The following USP8 variants were observed in gnomAD, a reference collection of about 807,000 sequenced individuals.
USP8 encodes ubiquitin carboxyl-terminal hydrolase 8.
In USP8, 27 loss-of-function variants were observed where a neutral mutation model predicts 130.0. The ratio of observed to expected loss-of-function variants is 0.21; its 90% CI spans 0.15 to 0.29. The LOEUF is 0.29. Ranked by LOEUF, USP8 falls within the 10% of genes least tolerant of loss-of-function variation. The pLI is 1.00. For synonymous variants in USP8, 392 were observed against 444.1 expected (o/e 0.88, Z 1.48); for missense variants, 1,029 against 1,312.2 (o/e 0.78, Z 3.33).
intron 5 of USP8, among the ~76,000 whole-genome samples, chr15:50,460,105 C>T (rs1289974655): frequency 1.4e-5 from 2 of 147,890 alleles, no homozygotes; most frequent in South Asian, 2.1e-4. Flanking sequence ...TCAAGCGATT[C>T]TCCTGCCTCA....
chr15:50,492,885 C>A lies in USP8; in HGVS notation c.2419C>A (p.Arg807=), dbSNP rs1277685511. Reference sequence around the variant, plus strand: ...TCCACATTTGGCTGATTATTTCAACCGAAACTGTTATCAGGATGATATTAA... The same window carrying A: ...TCCACATTTGGCTGATTATTTCAACAGAAACTGTTATCAGGATGATATTAA... ...NAPHLADYFN[R]NCYQDDINRS... The change falls in exon 15 of 20, where the codon CGA becomes AGA. Residue 807 remains arginine (R), a synonymous_variant. Transcript: ENST00000307179. The A allele has an allele frequency of 6.2e-7, 1 of 1,613,896 alleles. No homozygotes were observed. The highest frequency in any genetic ancestry group is 8.5e-7 in the Non-Finnish European group (1 of 1,179,960).
At position 50,481,893 on chromosome 15, in the gene USP8, G is replaced by C. The variant is rs1236079149; in HGVS notation, c.1631G>C (p.Arg544Thr). The C allele has an allele frequency of 3.2e-6, 5 of 1,584,614 alleles. No homozygotes were observed. In the East Asian group the frequency reaches 1.1e-4, roughly 36 times the overall value. Residue 544 changes from arginine to threonine, a missense_variant, in exon 11 of 20, where the codon AGG becomes ACG. Arg to Thr is a moderately conservative substitution (Grantham distance 71). Coordinates refer to ENST00000307179, the MANE Select transcript of USP8 (RefSeq NM_005154.5). The part of the protein sequence containing the change: ...KKEDKETSAK[R>T]GKEITGVKRQ... ...GAAGATAAAGAAACCTCAGCAAAGA[G>C]GGGCAAAGAAATAACAGGAGTAAAA...
Position 50,471,718 on chromosome 15 carries a change from C to T in USP8, c.772C>T (p.Leu258Phe). ...GAGGGGGAATGTGGAGTATGTGGTA[C>T]TTCTTGACTGGTTTAGTTCTGCCAA... The part of the protein sequence containing the change: ...KKRGNVEYVV[L>F]LDWFSSAKDL... Residue 258 changes from leucine (L) to phenylalanine (F), a missense_variant, in exon 8 of 20, where the codon CTT (leucine) becomes TTT (phenylalanine). Transcript: ENST00000307179. 1 of 1,614,100 alleles carries T rather than the reference C, an allele frequency of 6.2e-7. No homozygotes were observed. The highest frequency in any genetic ancestry group is 1.3e-5 in the African/African-American group (1 of 75,040).
intron 18 of USP8, 100 bp from the exon 19 acceptor site, chr15:50,498,496 A>G (rs531851730): frequency 7.2e-7 from 1 of 1,392,694 alleles, no homozygotes; most frequent in Non-Finnish European, 9.5e-7. Context: ...TGTATTTGAA[A>G]TGGATTTTAC....
chr15:50,485,408 C>T (rs974285083), intron 12 of USP8, among the ~76,000 whole-genome samples: 5 of 150,790 alleles, frequency 3.3e-5, no homozygotes, highest in African/African-American at 1.2e-4. Context: ...CGAGATCGGG[C>T]CACTGCACTC....
At chr15:50,491,582 A>C (rs919979866) in intron 14 of USP8, among the ~76,000 whole-genome samples, 1 of 152,192 alleles carries the variant, frequency 6.6e-6, no homozygotes, top group Non-Finnish European at 1.5e-5. Context: ...GGTAAAGAGG[A>C]GCTGATTGAA....
Position 50,500,787 on chromosome 15 carries a change from A to G in USP8, c.*1699A>G. 6.3e-7 allele frequency: 1 copy of G among 1,590,022 alleles called. No individual in the cohort carries two copies. The highest frequency in any genetic ancestry group is 8.6e-7 in the Non-Finnish European group (1 of 1,167,728). On this transcript the variant is annotated 3_prime_UTR_variant, in exon 20 of 20. Coordinates refer to ENST00000307179, the MANE Select transcript of USP8 (RefSeq NM_005154.5). The stretch of plus-strand genomic sequence containing the variant: ...AGCTATATCAGGCCTGGGTGACTGA[A>G]TTCTTGCAGAAAGCAGTGTAGTGGC...
intron 4 of USP8, among the ~76,000 whole-genome samples, chr15:50,457,095 G>A (rs1214216445): frequency 6.6e-6 from 1 of 152,180 alleles, no homozygotes; most frequent in African/African-American, 2.4e-5. Flanking sequence ...TTAACATGAT[G>A]TTGAAAATGT....
chr15:50,444,569 A>G (rs1269482355), intron 3 of USP8: 1 of 151,774 alleles, frequency 6.6e-6, no homozygotes, highest in Non-Finnish European at 1.5e-5. Context: ...TTCCATTTCC[A>G]GAGTCTCTAT....
intron 1 of USP8, among the ~76,000 whole-genome samples, chr15:50,430,831 C>G (rs1374201091): frequency 2.6e-5 from 4 of 152,152 alleles, no homozygotes; most frequent in African/African-American, 9.7e-5. Context: ...ATCGAATTAC[C>G]TACTTTGCTG....
chr15:50,483,614 A>G (rs1401119915), intron 11 of USP8, among the ~76,000 whole-genome samples: 1 of 152,180 alleles, frequency 6.6e-6, no homozygotes, highest in Non-Finnish European at 1.5e-5. Context: ...CTAACACGGT[A>G]AAACCCTGTC....
At chr15:50,443,553 G>A (rs537992043) in intron 3 of USP8, among the ~76,000 whole-genome samples, 16 of 151,072 alleles carry the variant, frequency 1.1e-4, no homozygotes, top group South Asian at 6.3e-4. Context: ...GCTCAATCTC[G>A]GCTCACTGCA....
At chr15:50,437,501 G>C (rs1469634753) in intron 1 of USP8, among the ~76,000 whole-genome samples, 1 of 152,160 alleles carries the variant, frequency 6.6e-6, no homozygotes, top group Non-Finnish European at 1.5e-5. Flanking sequence ...AGGTGAGAAG[G>C]CGGGCAGGGT....
chr15:50,428,347 G>C (rs1404155707), intron 1 of USP8, among the ~76,000 whole-genome samples: 1 of 151,988 alleles, frequency 6.6e-6, no homozygotes, highest in Middle Eastern at 3.2e-3. Context: ...GAACTCCTGA[G>C]CTCAGGCAAT....
chr15:50,441,732 C>T (rs184917561), intron 3 of USP8, among the ~76,000 whole-genome samples: 71 of 152,154 alleles, frequency 4.7e-4, no homozygotes, highest in Non-Finnish European at 7.9e-4. Context: ...TAGCAACATA[C>T]AGATTCATAA....
rs1419659569 is a variant in USP8, at chr15:50,512,511, G to A, written c.*13423G>A. The A allele has an allele frequency of 6.6e-6, 1 of 152,426 alleles. No individual in the cohort carries two copies. The highest frequency in any genetic ancestry group is 2.4e-5 in the African/African-American group (1 of 41,398). The allele number at this position is 152,426 out of a possible 1,614,324, so 9.4% of individuals were successfully genotyped here. On this transcript the variant is annotated 3_prime_UTR_variant, in exon 20 of 20. Transcript: ENST00000307179. ...GTACTAAAAACTACTGAACTGGCCA[G>A]GCACAGTGGCTCACACCTGTAATCC... is the stretch of plus-strand genomic sequence containing the variant.
chr15:50,481,047 G>A (rs1386621018), intron 10 of USP8, among the ~76,000 whole-genome samples: 1 of 150,508 alleles, frequency 6.6e-6, no homozygotes, highest in East Asian at 2.0e-4. Flanking sequence ...CATGAGATTA[G>A]GACCATGTTT....
intron 6 of USP8, among the ~76,000 whole-genome samples, chr15:50,464,826 C>T (rs1196406906): frequency 6.6e-6 from 1 of 152,076 alleles, no homozygotes; most frequent in Non-Finnish European, 1.5e-5. Flanking sequence ...TGCACTCCAG[C>T]CTGGGTTACA....
At chr15:50,460,646 G>A (rs2050961934) in intron 5 of USP8, among the ~76,000 whole-genome samples, 1 of 151,878 alleles carries the variant, frequency 6.6e-6, no homozygotes, top group African/African-American at 2.4e-5. Flanking sequence ...GACTACTTGT[G>A]GTCTTTTCAG....
Sources: gnomAD v4.1 joint callset for allele counts (sites outside exome capture counted in the v4.1 genomes callset) on GRCh38, gnomAD v4.1.1 for gene constraint, MANE v1.5 for transcripts, NCBI Gene and HGNC (gene_info 2026-07-23, HGNC 2026-07-21) for gene names.